The following PLCZ1 variants were observed in gnomAD, a reference collection of about 807,000 sequenced individuals.
PLCZ1 encodes the protein phospholipase C zeta 1.
A neutral mutation model predicts 76.8 loss-of-function variants in PLCZ1; 64 were observed. That is an observed-to-expected ratio of 0.83 (90% confidence interval 0.68 to 1.03). The LOEUF is 1.03. PLCZ1 is among the 50% of genes least tolerant of loss of function. The pLI, the probability that PLCZ1 is intolerant of heterozygous loss-of-function variation, is 0.00. For missense variants in PLCZ1, 751 were observed against 713.7 expected (o/e 1.05, Z -0.60); for synonymous variants, 248 against 230.8 (o/e 1.07, Z -0.68).
chr12:18,721,968 G>T (rs1024232843), intron 4 of PLCZ1, among the ~76,000 whole-genome samples: 2 of 151,904 alleles, frequency 1.3e-5, no homozygotes, highest in Non-Finnish European at 2.9e-5. Flanking sequence ...TTTGATCTCT[G>T]CCAGTCTCTC....
the PLCZ1 span, among the ~76,000 whole-genome samples, chr12:18,664,842 T>A: frequency 9.5e-4 from 144 of 150,804 alleles, 1 homozygote; most frequent in Admixed American, 9.5e-3. Flanking sequence ...AAATGATGAG[T>A]TCATGTCCTT....
chr12:18,706,282 C>T (rs544005606), intron 6 of PLCZ1, among the ~76,000 whole-genome samples: 1 of 151,304 alleles, frequency 6.6e-6, no homozygotes, highest in East Asian at 1.9e-4. Flanking sequence ...ATCTATACTG[C>T]TATAGAAAGT....
At chr12:18,726,058 A>T (rs1293864714) in intron 3 of PLCZ1, among the ~76,000 whole-genome samples, 1 of 152,166 alleles carries the variant, frequency 6.6e-6, no homozygotes, top group African/African-American at 2.4e-5. Flanking sequence ...GACTCAAAAA[A>T]GTGCCTGACT....
the PLCZ1 span, among the ~76,000 whole-genome samples, chr12:18,677,226 A>T: frequency 7.9e-5 from 12 of 152,102 alleles, no homozygotes; most frequent in African/African-American, 2.9e-4. Flanking sequence ...ATATGTGAGC[A>T]CTTTAAATCC....
rs1271162400 is a variant in PLCZ1 at position 18,686,025 on chromosome 12, T to A, written c.1592-1746A>T. On this transcript the variant is annotated intron_variant, in intron 13 of 14. Coordinates refer to ENST00000266505, the MANE Select transcript of PLCZ1 (RefSeq NM_033123.4). ...TTATTTCCACATTTTATCCAAATGT[T>A]ATCCTTTTCCTCCCAGACTCTCATG... Among the ~76,000 whole-genome samples, 3 of 152,144 alleles carry A rather than the reference T, an allele frequency of 2.0e-5. No homozygotes were observed. In the East Asian group the frequency reaches 5.8e-4, roughly 29 times the overall value.
downstream of PLCZ1, chr12:18,683,028 A>G: frequency 1.8e-6 from 1 of 549,894 alleles, no homozygotes; most frequent in Middle Eastern, 5.0e-4. Context: ...TCAGCAAACA[A>G]GAACGCCATG....
chr12:18,724,839 G>A (rs1034595436), intron 3 of PLCZ1, among the ~76,000 whole-genome samples: 2 of 151,982 alleles, frequency 1.3e-5, no homozygotes, highest in African/African-American at 2.4e-5. Flanking sequence ...TTTGGTTATA[G>A]AAAATTATGT....
intron 13 of PLCZ1, among the ~76,000 whole-genome samples, chr12:18,684,773 C>T (rs1269894269): frequency 6.6e-6 from 1 of 151,774 alleles, no homozygotes; most frequent in Non-Finnish European, 1.5e-5. Context: ...GCTTTGTGCC[C>T]CCACCCAAAT....
intron 5 of PLCZ1, chr12:18,714,735 T>C (rs2137454866): frequency 6.6e-6 from 1 of 152,330 alleles, no homozygotes; most frequent in African/African-American, 2.4e-5. Context: ...GGAGACATTT[T>C]CGGCTGCCAC....
chr12:18,653,431 G>A, the PLCZ1 span, among the ~76,000 whole-genome samples: 1 of 152,230 alleles, frequency 6.6e-6, no homozygotes, highest in East Asian at 1.9e-4. Context: ...TGGGCTTCTT[G>A]GCCAAGTCTC....
chr12:18,649,361 T>C, the PLCZ1 span, among the ~76,000 whole-genome samples: 1 of 152,098 alleles, frequency 6.6e-6, no homozygotes, highest in Non-Finnish European at 1.5e-5. Context: ...AGTCTCCCAA[T>C]TTGTACATTT....
intron 6 of PLCZ1, among the ~76,000 whole-genome samples, chr12:18,708,011 T>C (rs779660968): frequency 3.9e-5 from 6 of 152,210 alleles, no homozygotes; most frequent in Non-Finnish European, 7.3e-5. Context: ...TTTAAAATTT[T>C]TGTAGCAAGA....
At chr12:18,730,698 G>C (rs1958997521) in intron 3 of PLCZ1, among the ~76,000 whole-genome samples, 1 of 152,018 alleles carries the variant, frequency 6.6e-6, no homozygotes, top group African/African-American at 2.4e-5. Context: ...TCTATGTAAT[G>C]CTTTTAAATA....
At chr12:18,703,265 A>C (rs1956175401) in intron 7 of PLCZ1, among the ~76,000 whole-genome samples, 2 of 152,094 alleles carry the variant, frequency 1.3e-5, no homozygotes, top group African/African-American at 2.4e-5. Context: ...TTTATCACAC[A>C]GTTCATTTTT....
the PLCZ1 span, among the ~76,000 whole-genome samples, chr12:18,659,190 T>G: frequency 6.6e-6 from 1 of 152,116 alleles, no homozygotes; most frequent in African/African-American, 2.4e-5. Flanking sequence ...TATATAAAGG[T>G]ACTCAAAAAC....
At chr12:18,708,880 T>G (rs1956961865) in intron 6 of PLCZ1, among the ~76,000 whole-genome samples, 1 of 152,164 alleles carries the variant, frequency 6.6e-6, no homozygotes, top group African/African-American at 2.4e-5. Context: ...TAATGAGTTG[T>G]ATGAATTCTT....
chr12:18,661,900 A>G, the PLCZ1 span, among the ~76,000 whole-genome samples: 1 of 152,152 alleles, frequency 6.6e-6, no homozygotes, highest in Non-Finnish European at 1.5e-5. Flanking sequence ...ATTTTTTTAA[A>G]TGAAGTACAC....
At chr12:18,684,397 T>C (rs565358017) in intron 13 of PLCZ1, 118 bp from the exon 14 acceptor site, 12 of 923,224 alleles carry the variant, frequency 1.3e-5, no homozygotes, top group East Asian at 1.3e-4. Context: ...ATCTTGTGTT[T>C]AGAGCACATA....
chr12:18,701,628 TC>T, intron 8 of PLCZ1, 60 bp from the exon 9 acceptor site: 1 of 1,575,930 alleles, frequency 6.3e-7, no homozygotes. Flanking sequence ...CTCCTCCTCC[TC>T]CTCCTCCTCC....
Sources: gnomAD v4.1 joint callset for allele counts (sites outside exome capture counted in the v4.1 genomes callset) on GRCh38, gnomAD v4.1.1 for gene constraint, MANE v1.5 for transcripts, NCBI Gene and HGNC (gene_info 2026-07-23, HGNC 2026-07-21) for gene names.